Variants in DCTD observed in about 807,000 individuals in gnomAD.
DCTD encodes dCMP deaminase, also known as deoxycytidylate deaminase.
In DCTD, 23 loss-of-function variants were observed where a neutral mutation model predicts 21.0. The observed-to-expected ratio is 1.09, with a 90% CI of 0.79 to 1.55. The LOEUF (loss-of-function observed/expected upper bound fraction) is 1.55. Among genes scored for constraint, DCTD ranks in the 40% most tolerant of loss-of-function variants. DCTD has a pLI of 0.00. For synonymous variants in DCTD, 71 were observed against 81.1 expected (o/e 0.88, Z 0.67); for missense variants, 224 against 230.0 (o/e 0.97, Z 0.17).
At chr4:182,912,242 C>G (rs1737827085) in intron 3 of DCTD, among the ~76,000 whole-genome samples, 1 of 151,978 alleles carries the variant, frequency 6.6e-6, no homozygotes, top group Non-Finnish European at 1.5e-5. Context: ...TCTCTGTGGC[C>G]TGAAAAACCT....
intron 3 of DCTD, 25 bp downstream of exon 3, chr4:182,914,898 G>T (rs375499057): frequency 1.9e-6 from 3 of 1,613,890 alleles, no homozygotes; most frequent in Non-Finnish European, 2.5e-6. Flanking sequence ...TCACTAAGCA[G>T]AATGGGACAT....
chr4:182,916,871 G>A (rs1738836746), intron 1 of DCTD: 18 of 1,023,230 alleles, frequency 1.8e-5, no homozygotes, highest in South Asian at 3.0e-5. Flanking sequence ...TAGAAACAGA[G>A]AGAACTGGAG....
chr4:182,892,249 C>A (rs1220795807), intron 5 of DCTD, among the ~76,000 whole-genome samples: 2 of 152,108 alleles, frequency 1.3e-5, no homozygotes, highest in Admixed American at 6.5e-5. Flanking sequence ...TTTACAGTCC[C>A]AAAGGAATTT....
intron 4 of DCTD, among the ~76,000 whole-genome samples, chr4:182,893,992 G>T (rs1021765395): frequency 1.3e-5 from 2 of 152,250 alleles, no homozygotes; most frequent in East Asian, 3.8e-4. Context: ...CAATGGTGTA[G>T]ATTTATGGGA....
chr4:182,899,503 T>C (rs1735347090), intron 3 of DCTD, among the ~76,000 whole-genome samples: 1 of 151,860 alleles, frequency 6.6e-6, no homozygotes, highest in Non-Finnish European at 1.5e-5. Flanking sequence ...TTTCAAGCGA[T>C]GATTCTCCTG....
At chr4:182,893,828 TGA>T (rs1300743168) in intron 4 of DCTD, among the ~76,000 whole-genome samples, 1 of 152,224 alleles carries the variant, frequency 6.6e-6, no homozygotes, top group East Asian at 1.9e-4. Flanking sequence ...GCTTCTGCTC[TGA>T]GATCCACAGG....
chr4:182,917,462 GGGGGCCCGAAGCCCTGA>G, upstream of DCTD: 1 of 470,734 alleles, frequency 2.1e-6, no homozygotes, highest in Non-Finnish European at 2.8e-6. This position sits in a 1 kb window ranked among gnomAD's most constrained non-coding sequence, Gnocchi z 4.9. Context: ...GGCTGGCCCC[GGGGGCCCGAAGCCCTGA>G]GGGGAGGGAG....
intron 3 of DCTD, among the ~76,000 whole-genome samples, chr4:182,905,404 C>T (rs1405145092): frequency 6.7e-6 from 1 of 149,770 alleles, no homozygotes; most frequent in East Asian, 2.0e-4. Context: ...TCTCGGCTCA[C>T]TGCAACCTCC....
At position 182,908,157 on chromosome 4, in the gene DCTD, T is replaced by A. The variant is rs575459015; in HGVS notation, c.244+6766A>T. On this transcript the variant is annotated intron_variant, in intron 3 of 5. Transcript: ENST00000438320. ...CAAACAATATATTCATATTCTACTT[T>A]AATATAGCTGGTATTAACAAAACTC... Among the ~76,000 whole-genome samples, 282 of 152,318 alleles carry A rather than the reference T, an allele frequency of 1.9e-3. 2 individuals carry two copies. Among genetic ancestry groups the A allele is most frequent in the African/African-American group, 6.5e-3 (272 of 41,566 alleles).
chr4:182,898,496 T>C (rs1210861682), intron 3 of DCTD, among the ~76,000 whole-genome samples: 1 of 152,242 alleles, frequency 6.6e-6, no homozygotes, highest in African/African-American at 2.4e-5. Context: ...TTTGCTTTTT[T>C]CCTAAGGTTT....
Position 182,891,439 on chromosome 4 carries a change from A to C in DCTD, c.497T>G (p.Phe166Cys), listed in dbSNP as rs746121899. 2.7e-5 allele frequency: 43 copies of C among 1,612,654 alleles called. No homozygotes were observed. The highest frequency in any genetic ancestry group is 4.0e-5 in the African/African-American group (3 of 74,918). The stretch of plus-strand genomic sequence containing the variant: ...ACTCGGTCTGCTGTTAATTGAATCA[A>C]AGTCAATGACAATCTTGCTGCACTT... ...IPKCSKIVID[F>C]DSINSRPSQK... Residue 166 changes from phenylalanine (F) to cysteine (C), a missense_variant, in exon 6 of 6, where the codon TTT (phenylalanine) becomes TGT (cysteine). Phe to Cys is a radical substitution (Grantham distance 205). Coordinates refer to ENST00000438320, the MANE Select transcript of DCTD (RefSeq NM_001921.3).
At chr4:182,897,342 ATC>A (rs1419738576) in intron 3 of DCTD, among the ~76,000 whole-genome samples, 1 of 150,032 alleles carries the variant, frequency 6.7e-6, no homozygotes, top group African/African-American at 2.4e-5. Flanking sequence ...TTAAATATAT[ATC>A]ATATCTGAAT....
intron 3 of DCTD, among the ~76,000 whole-genome samples, chr4:182,904,510 GA>G (rs1226018554): frequency 1.3e-5 from 2 of 152,132 alleles, no homozygotes; most frequent in African/African-American, 4.8e-5. Context: ...CTGGGCACTG[GA>G]AGAGGAGCTG....
intron 3 of DCTD, among the ~76,000 whole-genome samples, chr4:182,901,422 C>T (rs564814041): frequency 2.4e-4 from 36 of 152,274 alleles, no homozygotes; most frequent in Non-Finnish European, 4.3e-4. Flanking sequence ...TTAAAGAAAA[C>T]GATGTCCTTA....
chr4:182,910,085 G>A (rs892276225), intron 3 of DCTD, among the ~76,000 whole-genome samples: 8 of 152,072 alleles, frequency 5.3e-5, no homozygotes, highest in African/African-American at 1.7e-4. Context: ...GGCCTCCCCC[G>A]ACTCTTGGGG....
At chr4:182,912,558 C>T (rs1393627315) in intron 3 of DCTD, among the ~76,000 whole-genome samples, 1 of 152,132 alleles carries the variant, frequency 6.6e-6, no homozygotes, top group Non-Finnish European at 1.5e-5. Flanking sequence ...AGCTCAGGAG[C>T]TATTCAATAA....
chr4:182,891,907 G>T (rs1338880051), intron 5 of DCTD, among the ~76,000 whole-genome samples: 3 of 150,458 alleles, frequency 2.0e-5, no homozygotes, highest in Non-Finnish European at 4.4e-5. Flanking sequence ...ACTACCTTTA[G>T]TGAGGAGTAA....
At chr4:182,914,380 TG>T (rs1738308090) in intron 3 of DCTD, among the ~76,000 whole-genome samples, 1 of 152,224 alleles carries the variant, frequency 6.6e-6, no homozygotes, top group African/African-American at 2.4e-5. Flanking sequence ...AGGAAGCAAC[TG>T]GATCCTCCAT....
At chr4:182,902,396 G>A (rs1054695701) in intron 3 of DCTD, among the ~76,000 whole-genome samples, 8 of 152,218 alleles carry the variant, frequency 5.3e-5, no homozygotes, top group African/African-American at 1.9e-4. Flanking sequence ...CAAATGATTT[G>A]AAATAAAGGT....
Sources: gnomAD v4.1 joint callset for allele counts (sites outside exome capture counted in the v4.1 genomes callset) on GRCh38, gnomAD v4.1.1 for gene constraint, Gnocchi (gnomAD v3.1) non-coding constraint, MANE v1.5 for transcripts, NCBI Gene and HGNC (gene_info 2026-07-23, HGNC 2026-07-21) for gene names.